NR5A2: variants seen among roughly 807,000 people sequenced by gnomAD.
NR5A2 encodes the protein nuclear receptor subfamily 5 group A member 2.
Under a neutral mutation model 62.7 loss-of-function variants are expected in NR5A2, and 26 were observed. That is an observed-to-expected ratio of 0.41 (90% CI 0.30 to 0.58). The LOEUF (loss-of-function observed/expected upper bound fraction) is 0.58. Among genes scored for constraint, NR5A2 ranks in the 20% least tolerant of loss-of-function variants. NR5A2 has a pLI of 0.22. For missense variants in NR5A2, 541 were observed against 669.1 expected (o/e 0.81, Z 2.11); for synonymous variants, 246 against 241.7 (o/e 1.02, Z -0.16).
chr1:200,074,800 T>TA (rs398103577), intron 5 of NR5A2, among the ~76,000 whole-genome samples: 17 of 146,980 alleles, frequency 1.2e-4, no homozygotes, highest in African/African-American at 4.0e-4. Flanking sequence ...TTTTTTTTTT[T>TA]AAATCACTAT....
rs530205081 is a variant in NR5A2, at chr1:200,147,539, T to G, written c.1379-26424T>G. 6.4e-4 allele frequency: 435 copies of G among 684,794 alleles called. 4 individuals are homozygous for G. The highest frequency in any genetic ancestry group is 9.7e-4 in the Admixed American group (54 of 55,634). The allele number at this position is 684,794 out of a possible 1,614,324, so 42.4% of individuals were successfully genotyped here. A position where few individuals can be genotyped will look rare whatever the true frequency, so the allele number is the denominator to read the frequency against. Reference sequence around the variant, plus strand: ...TGCTGCTTTTGCTGTTTCTGTGATTTCCTTGGTTTCTCCATTGGTGTGCTT... The same window carrying G: ...TGCTGCTTTTGCTGTTTCTGTGATTGCCTTGGTTTCTCCATTGGTGTGCTT... On this transcript the variant is annotated intron_variant, in intron 7 of 7. Coordinates refer to ENST00000367362, the MANE Select transcript of NR5A2 (RefSeq NM_205860.3). This position sits in a 1 kb window ranked among gnomAD's most constrained non-coding sequence, Gnocchi z 4.9.
intron 5 of NR5A2, among the ~76,000 whole-genome samples, chr1:200,060,775 T>A (rs1355263083): frequency 1.3e-5 from 2 of 151,918 alleles, no homozygotes; most frequent in Admixed American, 6.6e-5. Context: ...CACGTATGTG[T>A]CCTGGGAAGG....
chr1:200,097,549 A>G (rs1665157653), intron 5 of NR5A2, among the ~76,000 whole-genome samples: 1 of 152,264 alleles, frequency 6.6e-6, no homozygotes, highest in South Asian at 2.1e-4. Flanking sequence ...TGTGCTATGC[A>G]TAACTTCTTA....
chr1:200,082,971 T>G (rs917997638), intron 5 of NR5A2, among the ~76,000 whole-genome samples: 1 of 152,184 alleles, frequency 6.6e-6, no homozygotes, highest in Non-Finnish European at 1.5e-5. Flanking sequence ...TCTCTGAGTT[T>G]TTCAGTCTAG....
At chr1:200,143,638 ATTTTTT>A (rs11285826) in intron 7 of NR5A2, among the ~76,000 whole-genome samples, 1 of 103,298 alleles carries the variant, frequency 9.7e-6, no homozygotes. Flanking sequence ...ATTGTTCATA[ATTTTTT>A]TTTTTTTTTT....
Position 200,128,713 on chromosome 1 carries a change from G to A in NR5A2, c.1378+7758G>A, listed in dbSNP as rs529556912. Among the ~76,000 whole-genome samples the A allele has an allele frequency of 2.2e-4, 34 of 152,248 alleles. No homozygotes were observed. The South Asian group carries it at 5.8e-3, about 26-fold the overall frequency. On this transcript the variant is annotated intron_variant, in intron 7 of 7. Coordinates refer to ENST00000367362, the MANE Select transcript of NR5A2 (RefSeq NM_205860.3). ...CAGGGCAGGGTGGAGTGGGGGTGGT[G>A]GGCAGGCAGAGAGGAGTGTAGTAAG...
chr1:200,098,645 G>T (rs183621020), intron 5 of NR5A2, among the ~76,000 whole-genome samples: 1 of 152,002 alleles, frequency 6.6e-6, no homozygotes, highest in East Asian at 1.9e-4. Flanking sequence ...TCTATAAAAT[G>T]ATGTAGTTGA....
intron 7 of NR5A2, among the ~76,000 whole-genome samples, chr1:200,166,447 G>A (rs1472870892): frequency 1.3e-5 from 2 of 152,140 alleles, no homozygotes; most frequent in East Asian, 1.9e-4. Flanking sequence ...ATTAAGTTGT[G>A]TTACATGCCA....
At chr1:200,114,116 G>A (rs1223626066) in intron 6 of NR5A2, among the ~76,000 whole-genome samples, 1 of 152,082 alleles carries the variant, frequency 6.6e-6, no homozygotes, top group African/African-American at 2.4e-5. Context: ...CCGGGAGGCA[G>A]AGGCTACAGT....
intron 5 of NR5A2, among the ~76,000 whole-genome samples, chr1:200,055,847 T>C (rs1356514659): frequency 6.6e-6 from 1 of 152,198 alleles, no homozygotes; most frequent in Non-Finnish European, 1.5e-5. Flanking sequence ...GTTCTCATAC[T>C]CATCACAAAG....
intron 5 of NR5A2, among the ~76,000 whole-genome samples, chr1:200,089,945 C>T (rs1044592589): frequency 1.3e-5 from 2 of 152,214 alleles, no homozygotes; most frequent in African/African-American, 2.4e-5. Context: ...CTGCCAAACT[C>T]AAAGCCATTG....
intron 5 of NR5A2, among the ~76,000 whole-genome samples, chr1:200,107,234 A>T (rs879773481): frequency 2.0e-5 from 3 of 152,086 alleles, no homozygotes; most frequent in Non-Finnish European, 4.4e-5. Context: ...CACAAGATAC[A>T]CAGAAAACTG....
chr1:200,043,759 C>A lies in NR5A2; in HGVS notation c.203-15C>A. On this transcript the variant is annotated splice_polypyrimidine_tract_variant and intron_variant, in intron 2 of 7. Transcript: ENST00000367362. The stretch of plus-strand genomic sequence containing the variant: ...ATTAATTGAATATGTGTATACATTT[C>A]TCTTTTTGTTTCAGTGTCTCAATTT... 1 of 1,519,472 alleles carries A rather than the reference C, an allele frequency of 6.6e-7. No homozygotes were observed. Among genetic ancestry groups the A allele is most frequent in the Non-Finnish European group, 9.1e-7 (1 of 1,096,040 alleles). 94.1% of individuals were successfully genotyped at this position (1,519,472 alleles called of 1,614,324 possible). A position where few individuals can be genotyped will look rare whatever the true frequency, so the allele number is the denominator to read the frequency against.
intron 5 of NR5A2, among the ~76,000 whole-genome samples, chr1:200,074,016 T>C (rs945405464): frequency 2.6e-5 from 4 of 152,148 alleles, no homozygotes; most frequent in Non-Finnish European, 4.4e-5. Flanking sequence ...TTGAATCAAC[T>C]CAATCTTAAA....
rs556003294 is a variant in NR5A2, at chr1:200,133,560, CACAT to C, written c.1378+12607_1378+12610del. Among the ~76,000 whole-genome samples the C allele has an allele frequency of 9.4e-3, 1,286 of 136,778 alleles. 17 individuals carry two copies. Among genetic ancestry groups the C allele is most frequent in the African/African-American group, 0.028 (983 of 35,128 alleles). The allele number at this position is 136,778 out of a possible 152,430, so 89.7% of individuals were successfully genotyped here. On this transcript the variant is annotated intron_variant, in intron 7 of 7. Transcript: ENST00000367362. ...ATATATATATATACACATATATACACACATATATATATACACATATATATACACA... is the reference window on the plus strand; with the variant it reads ...ATATATATATATACACATATATACACATATATATACACATATATATACACA...
intron 7 of NR5A2, among the ~76,000 whole-genome samples, chr1:200,132,640 T>C (rs1442826368): frequency 6.6e-6 from 1 of 152,152 alleles, no homozygotes; most frequent in Non-Finnish European, 1.5e-5. Context: ...TGAAAGGAGA[T>C]GATTTTTCAG....
At chr1:200,058,837 C>T (rs1663052199) in intron 5 of NR5A2, among the ~76,000 whole-genome samples, 1 of 146,910 alleles carries the variant, frequency 6.8e-6, no homozygotes, top group South Asian at 2.2e-4. Flanking sequence ...CAGACAGGTG[C>T]GGTGGCTCAT....
intron 7 of NR5A2, among the ~76,000 whole-genome samples, chr1:200,139,857 A>G (rs909510656): frequency 6.6e-6 from 1 of 152,208 alleles, no homozygotes; most frequent in Admixed American, 6.5e-5. Flanking sequence ...CTCACACTAT[A>G]GTATATATCA....
At chr1:200,079,356 T>C (rs1306331395) in intron 5 of NR5A2, among the ~76,000 whole-genome samples, 1 of 152,214 alleles carries the variant, frequency 6.6e-6, no homozygotes, top group African/African-American at 2.4e-5. Flanking sequence ...CCCTGGTCCA[T>C]TGCCTTTGAA....
Sources: allele counts gnomAD v4.1 joint callset (sites outside exome capture counted in the v4.1 genomes callset), GRCh38; gene constraint gnomAD v4.1.1; non-coding constraint Gnocchi (gnomAD v3.1); transcripts MANE v1.5; gene names NCBI Gene and HGNC (gene_info 2026-07-23, HGNC 2026-07-21).